Variants in MTHFD1L observed in about 807,000 individuals in gnomAD.
The protein encoded by MTHFD1L is monofunctional C1-tetrahydrofolate synthase, mitochondrial.
A neutral mutation model predicts 119.5 loss-of-function variants in MTHFD1L; 81 were observed. The ratio of observed to expected loss-of-function variants is 0.68; its 90% CI spans 0.57 to 0.82. The LOEUF (loss-of-function observed/expected upper bound fraction) is 0.82. Among genes scored for constraint, MTHFD1L ranks in the 40% least tolerant of loss-of-function variants. The pLI is 0.00. For missense variants in MTHFD1L, 1,125 were observed against 1,253.4 expected (o/e 0.90, Z 1.55); for synonymous variants, 430 against 475.2 (o/e 0.90, Z 1.24).
intron 20 of MTHFD1L, among the ~76,000 whole-genome samples, chr6:150,983,820 G>A (rs181909856): frequency 4.4e-4 from 67 of 152,148 alleles, no homozygotes; most frequent in Admixed American, 6.5e-4. Flanking sequence ...ACAGAGTCTC[G>A]TTCTATCCCC....
At chr6:150,890,232 A>G (rs929612963) in intron 7 of MTHFD1L, among the ~76,000 whole-genome samples, 2 of 152,190 alleles carry the variant, frequency 1.3e-5, no homozygotes, top group African/African-American at 4.8e-5. Context: ...TTGCCCATAT[A>G]TATACAAAGG....
chr6:151,012,019 C>CAAAAAAAAA (rs1043831602), intron 21 of MTHFD1L, among the ~76,000 whole-genome samples: 35 of 58,710 alleles, frequency 6.0e-4, no homozygotes, highest in South Asian at 2.0e-3. Context: ...ACAACAACAA[C>CAAAAAAAAA]AAAAAAAAAA....
chr6:150,991,508 T>C (rs887822820), intron 20 of MTHFD1L, among the ~76,000 whole-genome samples: 1 of 152,236 alleles, frequency 6.6e-6, no homozygotes, highest in African/African-American at 2.4e-5. Context: ...CTTCACACTT[T>C]GTGATTTGGC....
intron 20 of MTHFD1L, among the ~76,000 whole-genome samples, chr6:151,008,473 A>G (rs1257647746): frequency 6.6e-6 from 1 of 151,810 alleles, no homozygotes; most frequent in Non-Finnish European, 1.5e-5. Flanking sequence ...TGTGATTCTG[A>G]TTCTGTAAAC....
intron 20 of MTHFD1L, among the ~76,000 whole-genome samples, chr6:150,997,926 T>A (rs768051163): frequency 6.6e-6 from 1 of 152,118 alleles, no homozygotes; most frequent in Non-Finnish European, 1.5e-5. Flanking sequence ...AACCGGTAGG[T>A]CTAGGCATGA....
chr6:151,003,797 C>T (rs146213834), intron 20 of MTHFD1L, among the ~76,000 whole-genome samples: 411 of 152,066 alleles, frequency 2.7e-3, no homozygotes, highest in Non-Finnish European at 4.9e-3. Context: ...AGGAGAATGC[C>T]ATATGTAGCA....
chr6:151,028,752 C>T (rs1438001718), intron 24 of MTHFD1L, among the ~76,000 whole-genome samples: 1 of 152,140 alleles, frequency 6.6e-6, no homozygotes, highest in Non-Finnish European at 1.5e-5. Flanking sequence ...GGACTTAACG[C>T]TACTGAACTG....
At chr6:150,965,372 T>C (rs1797037101) in intron 19 of MTHFD1L, among the ~76,000 whole-genome samples, 1 of 152,126 alleles carries the variant, frequency 6.6e-6, no homozygotes, top group African/African-American at 2.4e-5. Flanking sequence ...AGAAAGTCAA[T>C]GTCTGAGGCC....
intron 13 of MTHFD1L, among the ~76,000 whole-genome samples, chr6:150,942,976 T>C (rs1339287158): frequency 6.6e-6 from 1 of 152,154 alleles, no homozygotes; most frequent in Non-Finnish European, 1.5e-5. Flanking sequence ...AAAAAGCAAT[T>C]TGGTGATATT....
intron 26 of MTHFD1L, among the ~76,000 whole-genome samples, chr6:151,057,634 A>T (rs1401555765): frequency 6.6e-6 from 1 of 152,284 alleles, no homozygotes; most frequent in African/African-American, 2.4e-5. Context: ...CCTGTCTTAA[A>T]AAAACAAAAA....
intron 19 of MTHFD1L, among the ~76,000 whole-genome samples, chr6:150,969,840 T>TA (rs1797776721): frequency 6.6e-6 from 1 of 152,214 alleles, no homozygotes; most frequent in Non-Finnish European, 1.5e-5. Context: ...CTTCAGGATG[T>TA]TCCGTGTCAT....
chr6:150,954,731 A>G (rs1377261858), intron 16 of MTHFD1L, among the ~76,000 whole-genome samples: 8 of 151,628 alleles, frequency 5.3e-5, no homozygotes, highest in African/African-American at 1.9e-4. Flanking sequence ...CAGAGACACA[A>G]TCATGGTCAT....
chr6:150,955,321 C>A (rs575739756), intron 16 of MTHFD1L, among the ~76,000 whole-genome samples: 23 of 152,222 alleles, frequency 1.5e-4, no homozygotes, highest in African/African-American at 5.5e-4. Flanking sequence ...TCTTTTATAG[C>A]CGTCTAATAT....
chr6:151,046,871 A>G (rs1034295032), intron 26 of MTHFD1L, among the ~76,000 whole-genome samples: 22 of 152,210 alleles, frequency 1.4e-4, no homozygotes, highest in Non-Finnish European at 3.2e-4. Flanking sequence ...AAGCCTGAAT[A>G]AAAAGAGAAG....
intron 12 of MTHFD1L, 102 bp from the exon 13 acceptor site, chr6:150,938,597 C>T (rs890525099): frequency 1.9e-5 from 23 of 1,197,018 alleles, no homozygotes; most frequent in East Asian, 5.0e-5. Context: ...TTGGGTGTGA[C>T]GCCTCTCTGT....
At chr6:150,943,113 T>C (rs1181586697) in intron 13 of MTHFD1L, among the ~76,000 whole-genome samples, 1 of 151,852 alleles carries the variant, frequency 6.6e-6, no homozygotes, top group Non-Finnish European at 1.5e-5. Context: ...AAACCACATC[T>C]CTACTAAAAA....
intron 9 of MTHFD1L, among the ~76,000 whole-genome samples, chr6:150,920,872 A>G (rs1238313534): frequency 2.0e-5 from 3 of 151,236 alleles, no homozygotes; most frequent in Non-Finnish European, 4.4e-5. Context: ...TCCCAGGTTC[A>G]AGTGATTCTC....
At chr6:150,967,345 C>T (rs1797361072) in intron 19 of MTHFD1L, among the ~76,000 whole-genome samples, 1 of 152,200 alleles carries the variant, frequency 6.6e-6, no homozygotes, top group Admixed American at 6.5e-5. Context: ...CTGGGGTCCC[C>T]CCCTCCCCAG....
At chr6:150,984,386 C>A (rs1777964005) in intron 20 of MTHFD1L, among the ~76,000 whole-genome samples, 2 of 151,904 alleles carry the variant, frequency 1.3e-5, no homozygotes, top group Admixed American at 6.6e-5. Context: ...AAGAAACATG[C>A]AAAACAAATG....
Sources: gnomAD v4.1 joint callset for allele counts (sites outside exome capture counted in the v4.1 genomes callset) on GRCh38, gnomAD v4.1.1 for gene constraint, MANE v1.5 for transcripts, NCBI Gene and HGNC (gene_info 2026-07-23, HGNC 2026-07-21) for gene names.